CAMK4: variants seen among roughly 807,000 people sequenced by gnomAD.
CAMK4 encodes the protein calcium/calmodulin dependent protein kinase IV.
Under a neutral mutation model 44.9 loss-of-function variants are expected in CAMK4, and 22 were observed. The ratio of observed to expected loss-of-function variants is 0.49; its 90% CI spans 0.35 to 0.70. CAMK4 has a LOEUF of 0.70. CAMK4 is among the 30% of genes least tolerant of loss of function. The probability of loss-of-function intolerance (pLI) is 0.01; values close to 1 mark genes in which losing one functional copy is unlikely to be tolerated. For missense variants in CAMK4, 498 were observed against 586.8 expected (o/e 0.85, Z 1.56); for synonymous variants, 218 against 215.4 (o/e 1.01, Z -0.11).
chr5:111,243,335 G>C (rs1478959776), intron 1 of CAMK4, among the ~76,000 whole-genome samples: 1 of 152,218 alleles, frequency 6.6e-6, no homozygotes. Flanking sequence ...ACCTGGGGAA[G>C]AGTGAAGGAT....
At chr5:111,457,516 C>A (rs1280616530) in intron 7 of CAMK4, among the ~76,000 whole-genome samples, 1 of 152,248 alleles carries the variant, frequency 6.6e-6, no homozygotes, top group Non-Finnish European at 1.5e-5. Context: ...ACACTTGCCA[C>A]ATTGCTACTT....
chr5:111,472,309 T>C (rs1755093018), intron 7 of CAMK4, among the ~76,000 whole-genome samples: 1 of 152,058 alleles, frequency 6.6e-6, no homozygotes, highest in African/African-American at 2.4e-5. Context: ...GGTGTCCTCA[T>C]CCCCAAGGCC....
intron 5 of CAMK4, among the ~76,000 whole-genome samples, chr5:111,430,860 T>C (rs1306448896): frequency 6.6e-6 from 1 of 152,068 alleles, no homozygotes; most frequent in Non-Finnish European, 1.5e-5. Context: ...TCGGTATTAT[T>C]AAAATGCCCT....
chr5:111,408,496 A>G (rs912374334), intron 5 of CAMK4, among the ~76,000 whole-genome samples: 4 of 152,162 alleles, frequency 2.6e-5, no homozygotes, highest in Non-Finnish European at 4.4e-5. Context: ...CCCACCCTTG[A>G]CACATGGGGA....
chr5:111,448,989 T>A, intron 6 of CAMK4, 140 bp from the exon 7 acceptor site: 2 of 482,248 alleles, frequency 4.1e-6, no homozygotes, highest in South Asian at 9.0e-5. Flanking sequence ...GGGTGACTTG[T>A]TCCCACCCAC....
chr5:111,308,332 C>T (rs1319138452), intron 1 of CAMK4, among the ~76,000 whole-genome samples: 1 of 151,838 alleles, frequency 6.6e-6, no homozygotes, highest in Non-Finnish European at 1.5e-5. Context: ...TATGAGCAAG[C>T]TTTAATTTTC....
intron 7 of CAMK4, among the ~76,000 whole-genome samples, chr5:111,450,647 G>T (rs1394058616): frequency 6.8e-6 from 1 of 146,320 alleles, no homozygotes; most frequent in Non-Finnish European, 1.5e-5. Flanking sequence ...AAATAACCCG[G>T]CATGGTGGCA....
chr5:111,264,292 G>C (rs1750131234), intron 1 of CAMK4, among the ~76,000 whole-genome samples: 1 of 152,280 alleles, frequency 6.6e-6, no homozygotes, highest in Middle Eastern at 3.4e-3. Context: ...TCCATGTGCA[G>C]TGGTTACCAG....
chr5:111,400,870 T>C (rs1752197862), intron 5 of CAMK4, among the ~76,000 whole-genome samples: 1 of 152,154 alleles, frequency 6.6e-6, no homozygotes, highest in South Asian at 2.1e-4. Flanking sequence ...TTCCATGGAC[T>C]TGTAGGGATA....
At chr5:111,351,249 G>C (rs1380383051) in intron 2 of CAMK4, among the ~76,000 whole-genome samples, 1 of 152,054 alleles carries the variant, frequency 6.6e-6, no homozygotes, top group Non-Finnish European at 1.5e-5. Flanking sequence ...AGAGAACTAT[G>C]TTTGAATCTA....
intron 2 of CAMK4, among the ~76,000 whole-genome samples, chr5:111,366,499 C>A (rs1230768194): frequency 6.6e-6 from 1 of 152,128 alleles, no homozygotes; most frequent in African/African-American, 2.4e-5. Context: ...TTTATTCACC[C>A]CCTTTCTCCA....
chr5:111,325,507 C>A (rs1426056301), intron 1 of CAMK4, among the ~76,000 whole-genome samples: 1 of 152,078 alleles, frequency 6.6e-6, no homozygotes, highest in Non-Finnish European at 1.5e-5. Context: ...TATTTCTCCA[C>A]AGCCTCGCTA....
intron 1 of CAMK4, among the ~76,000 whole-genome samples, chr5:111,228,660 C>G (rs1748319609): frequency 6.6e-6 from 1 of 152,056 alleles, no homozygotes; most frequent in South Asian, 2.1e-4. Flanking sequence ...AAAAACTTGG[C>G]TGAACCCATG....
At chr5:111,429,777 C>CAAAAAAAAAAAAAAAAAAAA (rs70973607) in intron 5 of CAMK4, among the ~76,000 whole-genome samples, 1 of 26,342 alleles carries the variant, frequency 3.8e-5, no homozygotes, top group African/African-American at 1.5e-4. Context: ...GACCTCATCT[C>CAAAAAAAAAAAAAAAAAAAA]AAAAAAAAAA....
intron 5 of CAMK4, among the ~76,000 whole-genome samples, chr5:111,431,557 A>C (rs1753443305): frequency 6.6e-6 from 1 of 152,182 alleles, no homozygotes; most frequent in South Asian, 2.1e-4. Flanking sequence ...GGATACAGTC[A>C]AGAAAGTGAA....
chr5:111,486,898 AAAGAT>A lies in CAMK4; in HGVS notation c.*2438_*2442del, dbSNP rs1755651989. 6.6e-6 allele frequency: 1 copy of A among 152,192 alleles called. No homozygotes were observed. 9.4% of individuals were successfully genotyped at this position (152,192 alleles called of 1,614,324 possible). A position where few individuals can be genotyped will look rare whatever the true frequency, so the allele number is the denominator to read the frequency against. On this transcript the variant is annotated 3_prime_UTR_variant, in exon 11 of 11. Coordinates refer to ENST00000282356, the MANE Select transcript of CAMK4 (RefSeq NM_001744.6). The stretch of plus-strand genomic sequence containing the variant: ...GGAGTTTTAAATTTTGACTCATGTT[AAAGAT>A]AAGATTCTGATAATGACTATATAGT...
chr5:111,254,441 G>A (rs1749650516), intron 1 of CAMK4, among the ~76,000 whole-genome samples: 1 of 152,176 alleles, frequency 6.6e-6, no homozygotes, highest in Non-Finnish European at 1.5e-5. Context: ...TGACACCCTT[G>A]TAAAACACAG....
rs1272434094 is a variant in CAMK4, at chr5:111,487,719, A to C, written c.*3253A>C. 6.6e-6 allele frequency: 1 copy of C among 152,200 alleles called. No individual in the cohort carries two copies. Among genetic ancestry groups the C allele is most frequent in the East Asian group, 1.9e-4 (1 of 5,204 alleles). The allele number at this position is 152,200 out of a possible 1,614,324, so 9.4% of individuals were successfully genotyped here. ...TTGGGACATCAAGTGCTCAATAGTC[A>C]CATGTGGCTAGTGGCTACCATATTA... On this transcript the variant is annotated 3_prime_UTR_variant, in exon 11 of 11. Coordinates refer to ENST00000282356, the MANE Select transcript of CAMK4 (RefSeq NM_001744.6).
At position 111,388,312 on chromosome 5, in the gene CAMK4, A is replaced by G. The variant is rs146518992; in HGVS notation, c.387-6398A>G. Among the ~76,000 whole-genome samples the G allele has an allele frequency of 1.6e-4, 25 of 152,284 alleles. No homozygotes were observed. The East Asian group carries it at 4.8e-3, about 29-fold the overall frequency. ...ACCTTACATAACATACATTACATCTATGATAATGTTTTTTGTTTGTAACTT... is the reference window on the plus strand; with the variant it reads ...ACCTTACATAACATACATTACATCTGTGATAATGTTTTTTGTTTGTAACTT... On this transcript the variant is annotated intron_variant, in intron 4 of 10. Transcript: ENST00000282356.
Sources: allele counts gnomAD v4.1 joint callset (sites outside exome capture counted in the v4.1 genomes callset), GRCh38; gene constraint gnomAD v4.1.1; transcripts MANE v1.5; gene names NCBI Gene and HGNC (gene_info 2026-07-23, HGNC 2026-07-21).